LAMA4: variants seen among roughly 807,000 people sequenced by gnomAD.
LAMA4 encodes the protein laminin subunit alpha 4, also known as laminin subunit alpha-4.
A neutral mutation model predicts 207.1 loss-of-function variants in LAMA4; 127 were observed. The observed-to-expected ratio is 0.61, with a 90% CI of 0.53 to 0.71. The LOEUF is 0.71. Among genes scored for constraint, LAMA4 ranks in the 30% least tolerant of loss-of-function variants. LAMA4 has a pLI of 0.00. For synonymous variants in LAMA4, 761 were observed against 816.0 expected (o/e 0.93, Z 1.15); for missense variants, 2,093 against 2,246.5 (o/e 0.93, Z 1.38).
At position 112,175,343 on chromosome 6, in the gene LAMA4, C is replaced by T. The variant is rs371650107; in HGVS notation, c.1327G>A (p.Val443Met). 6.8e-6 allele frequency: 11 copies of T among 1,614,024 alleles called. No individual in the cohort carries two copies. The highest frequency in any genetic ancestry group is 2.2e-5 in the East Asian group (1 of 44,898). ...TAAGCCTCATCTGCCTCCTCATCCA[C>T]GAGCTCCCGTTGGGTGAAAAATGGT... ...RQPFFTQRELVDEEADEAYEL... is the reference protein window; with the variant it reads ...RQPFFTQRELMDEEADEAYEL... The change falls in exon 11 of 39, where the codon GTG (valine) becomes ATG (methionine). Residue 443 changes from valine to methionine, a missense_variant. Val to Met is a conservative substitution (Grantham distance 21, BLOSUM62 1). Transcript: ENST00000230538.
intron 5 of LAMA4, among the ~76,000 whole-genome samples, chr6:112,196,748 A>G (rs1562721315): frequency 6.6e-6 from 1 of 152,208 alleles, no homozygotes; most frequent in East Asian, 1.9e-4. Context: ...AAAACAGGGC[A>G]AGGAATGACT....
chr6:112,166,061 T>C (rs1781366755), intron 12 of LAMA4: 1 of 152,204 alleles, frequency 6.6e-6, no homozygotes, highest in African/African-American at 2.4e-5. Context: ...ACCTTAGAAA[T>C]AGTAACAAGT....
chr6:112,175,213 G>T (rs1781949275), intron 11 of LAMA4, 100 bp downstream of exon 11: 3 of 1,111,816 alleles, frequency 2.7e-6, no homozygotes, highest in East Asian at 2.4e-5. Context: ...ACTGGAAATT[G>T]GTTGCTTTGA....
rs372840414 is a variant in LAMA4, at chr6:112,214,617, G to T, written c.297+1751C>A. Among the ~76,000 whole-genome samples, 76 of 152,296 alleles carry T rather than the reference G, an allele frequency of 5.0e-4. No homozygotes were observed. In the East Asian group the frequency reaches 0.015, roughly 29 times the overall value. Reference sequence around the variant, plus strand: ...GATATTTTTCTCCGGACAGGATGAGGTGGAGAAACCATCATTAAGATGAAT... The same window carrying T: ...GATATTTTTCTCCGGACAGGATGAGTTGGAGAAACCATCATTAAGATGAAT... On this transcript the variant is annotated intron_variant, in intron 3 of 38. Coordinates refer to ENST00000230538, the MANE Select transcript of LAMA4 (RefSeq NM_001105206.3).
At chr6:112,222,280 C>T (rs1480442677) in intron 2 of LAMA4, among the ~76,000 whole-genome samples, 1 of 152,224 alleles carries the variant, frequency 6.6e-6, no homozygotes, top group Non-Finnish European at 1.5e-5. Flanking sequence ...TTCACCATAA[C>T]TCAATTAGGA....
intron 16 of LAMA4, among the ~76,000 whole-genome samples, chr6:112,151,176 T>C (rs1334178013): frequency 6.6e-6 from 1 of 152,210 alleles, no homozygotes; most frequent in African/African-American, 2.4e-5. Flanking sequence ...AGAGCCCCTG[T>C]GATAACCCAA....
intron 2 of LAMA4, among the ~76,000 whole-genome samples, chr6:112,253,130 A>G (rs1256267717): frequency 6.6e-6 from 1 of 152,138 alleles, no homozygotes; most frequent in Non-Finnish European, 1.5e-5. Flanking sequence ...TTGCTAGGTC[A>G]ATTGCTCCTT....
In LAMA4 at chr6:112,243,093, T is replaced by C. The variant is rs548856416; in HGVS notation, c.195+10863A>G. Among the ~76,000 whole-genome samples, 9 of 152,182 alleles carry C rather than the reference T, an allele frequency of 5.9e-5. No homozygotes were observed. In the South Asian group the frequency reaches 8.3e-4, roughly 14 times the overall value. Reference sequence around the variant, plus strand: ...TGGAGGGTCCAGATAGAGTAGGGGGTAGCACCCTTGGACCCTGGCATGGGA... The same window carrying C: ...TGGAGGGTCCAGATAGAGTAGGGGGCAGCACCCTTGGACCCTGGCATGGGA... On this transcript the variant is annotated intron_variant, in intron 2 of 38. Coordinates refer to ENST00000230538, the MANE Select transcript of LAMA4 (RefSeq NM_001105206.3).
chr6:112,167,659 T>C (rs1374695020), intron 12 of LAMA4, among the ~76,000 whole-genome samples: 4 of 152,164 alleles, frequency 2.6e-5, no homozygotes, highest in Non-Finnish European at 5.9e-5. Context: ...AGAACCAGTG[T>C]ACATAAATCA....
At chr6:112,225,904 C>G (rs959280187) in intron 2 of LAMA4, among the ~76,000 whole-genome samples, 1 of 152,184 alleles carries the variant, frequency 6.6e-6, no homozygotes, top group Non-Finnish European at 1.5e-5. Flanking sequence ...AAAAAGCAGA[C>G]TGAGTTTTAG....
chr6:112,134,639 A>T (rs782193210), intron 25 of LAMA4, 30 bp from the exon 26 acceptor site: 1 of 1,536,812 alleles, frequency 6.5e-7, no homozygotes, highest in Admixed American at 1.7e-5. Context: ...GTAAGCCTTG[A>T]TTAACTATTT....
chr6:112,112,173 C>T (rs868994337), intron 38 of LAMA4, among the ~76,000 whole-genome samples: 5 of 152,064 alleles, frequency 3.3e-5, no homozygotes, highest in Non-Finnish European at 5.9e-5. Flanking sequence ...GGGAAAGGGG[C>T]GTGTTGTAAG....
chr6:112,240,187 G>T (rs1462675594), intron 2 of LAMA4, among the ~76,000 whole-genome samples: 2 of 152,042 alleles, frequency 1.3e-5, no homozygotes, highest in African/African-American at 4.8e-5. Flanking sequence ...TGTCCTGATT[G>T]ACATACTCTG....
intron 2 of LAMA4, among the ~76,000 whole-genome samples, chr6:112,249,442 A>C (rs1484038725): frequency 2.6e-5 from 2 of 75,878 alleles, no homozygotes; most frequent in Non-Finnish European, 4.9e-5. Context: ...ACTCTGTTTC[A>C]AAAAAAAAAA....
At chr6:112,239,987 C>T (rs1288835325) in intron 2 of LAMA4, among the ~76,000 whole-genome samples, 2 of 151,922 alleles carry the variant, frequency 1.3e-5, no homozygotes, top group African/African-American at 4.8e-5. Flanking sequence ...ACCCGGGAGG[C>T]GGAGCTTGCA....
chr6:112,171,677 C>CAAAA (rs56725081), intron 12 of LAMA4: 1 of 140,254 alleles, frequency 7.1e-6, no homozygotes, highest in Non-Finnish European at 1.6e-5. Context: ...ATTCATTTAG[C>CAAAA]AAAAAAAAAA....
At chr6:112,200,127 T>C (rs781970002) in intron 5 of LAMA4, 8 of 533,110 alleles carry the variant, frequency 1.5e-5, no homozygotes, top group Admixed American at 5.8e-5. Flanking sequence ...ATGGGAAATA[T>C]CTTACCGAGT....
At chr6:112,237,039 TA>T (rs1785979617) in intron 2 of LAMA4, 1 of 152,226 alleles carries the variant, frequency 6.6e-6, no homozygotes, top group Non-Finnish European at 1.5e-5. Flanking sequence ...TGATAGTGGT[TA>T]TCTGGTCTAC....
At chr6:112,212,903 A>G (rs1784430609) in intron 3 of LAMA4, among the ~76,000 whole-genome samples, 1 of 152,192 alleles carries the variant, frequency 6.6e-6, no homozygotes, top group African/African-American at 2.4e-5. Flanking sequence ...TTACACAGTA[A>G]TAAAATAGAG....
Sources: allele counts gnomAD v4.1 joint callset (sites outside exome capture counted in the v4.1 genomes callset), GRCh38; gene constraint gnomAD v4.1.1; transcripts MANE v1.5; gene names NCBI Gene and HGNC (gene_info 2026-07-23, HGNC 2026-07-21).